TMEM232: variants seen among roughly 807,000 people sequenced by gnomAD.
TMEM232 encodes transmembrane protein 232.
Under a neutral mutation model 78.8 loss-of-function variants are expected in TMEM232, and 80 were observed. The ratio of observed to expected loss-of-function variants is 1.01; its 90% CI spans 0.85 to 1.22. The LOEUF is 1.22. Ranked by LOEUF, TMEM232 falls within the 50% of genes most tolerant of loss-of-function variation. TMEM232 has a pLI of 0.00. For synonymous variants in TMEM232, 297 were observed against 254.3 expected (o/e 1.17, Z -1.60); for missense variants, 881 against 742.2 (o/e 1.19, Z -2.17).
Position 110,692,002 on chromosome 5 carries a change from GC to G in TMEM232, c.-12-24639del, listed in dbSNP as rs201703392. Among the ~76,000 whole-genome samples the G allele has an allele frequency of 5.6e-3, 849 of 152,108 alleles. 9 individuals carry two copies. The highest frequency in any genetic ancestry group is 0.019 in the African/African-American group (802 of 41,520). ...GTGGCGTGATCTCGGCTCACTGCAA[GC>G]CCCACCTCCTGGGTTCAAGCCATTC... On this transcript the variant is annotated intron_variant, in intron 1 of 13. Transcript: ENST00000455884.
chr5:110,587,691 ATGTGTGTGTG>A lies in TMEM232; in HGVS notation c.1276+17408_1276+17417del, dbSNP rs147127408. On this transcript the variant is annotated intron_variant, in intron 10 of 13. Transcript: ENST00000455884. Reference sequence around the variant, plus strand: ...TATATATATATATATATATATATATATGTGTGTGTGTGTGTGTGTGTGTGTGTGTGTGTGT... The same window carrying A: ...TATATATATATATATATATATATATATGTGTGTGTGTGTGTGTGTGTGTGT... 5.3e-3 allele frequency among the ~76,000 whole-genome samples: 331 copies of A among 63,020 alleles called. 1 individual carries two copies. The highest frequency in any genetic ancestry group is 0.017 in the African/African-American group (239 of 13,730). The allele number at this position is 63,020 out of a possible 152,430, so 41.3% of individuals were successfully genotyped here.
chr5:110,514,949 T>C (rs1321891708), intron 12 of TMEM232, among the ~76,000 whole-genome samples: 4 of 152,132 alleles, frequency 2.6e-5, no homozygotes, highest in African/African-American at 9.7e-5. Flanking sequence ...ACGGCAGAAA[T>C]TGAAAAAGAA....
chr5:110,513,220 T>A (rs924168233), intron 12 of TMEM232, among the ~76,000 whole-genome samples: 3 of 152,190 alleles, frequency 2.0e-5, no homozygotes, highest in Non-Finnish European at 4.4e-5. Context: ...AGTTCTGGCA[T>A]TAAGAGTTGG....
chr5:110,435,572 C>T (rs1460716558), intron 12 of TMEM232, among the ~76,000 whole-genome samples: 6 of 151,814 alleles, frequency 4.0e-5, no homozygotes, highest in African/African-American at 1.4e-4. Flanking sequence ...AATTTTTGTA[C>T]CCATTAATCA....
At chr5:110,428,996 C>A (rs1757541178) in intron 12 of TMEM232, among the ~76,000 whole-genome samples, 2 of 151,758 alleles carry the variant, frequency 1.3e-5, no homozygotes, top group Admixed American at 1.3e-4. Flanking sequence ...ACTGAGATTA[C>A]ATTGAAGTGA....
intron 10 of TMEM232, among the ~76,000 whole-genome samples, chr5:110,593,383 T>G (rs1779762285): frequency 6.6e-6 from 1 of 152,240 alleles, no homozygotes; most frequent in South Asian, 2.1e-4. Flanking sequence ...TTTGAAAACT[T>G]CAAAATAAAA....
chr5:110,605,385 C>A, intron 9 of TMEM232, 27 bp from the exon 10 acceptor site: 1 of 1,532,622 alleles, frequency 6.5e-7, no homozygotes, highest in Non-Finnish European at 8.8e-7. Flanking sequence ...GATATTTGAT[C>A]ATCAAAGTAT....
intron 12 of TMEM232, among the ~76,000 whole-genome samples, chr5:110,475,817 C>T (rs1340169356): frequency 6.6e-6 from 1 of 151,712 alleles, no homozygotes; most frequent in African/African-American, 2.4e-5. Context: ...GGGGAAAGAA[C>T]CACTAAAAAA....
intron 11 of TMEM232, among the ~76,000 whole-genome samples, chr5:110,533,009 T>C (rs746422038): frequency 1.3e-5 from 2 of 152,158 alleles, no homozygotes; most frequent in Non-Finnish European, 2.9e-5. Flanking sequence ...GTTTTGCCTA[T>C]CCACCCTGTG....
chr5:110,673,990 G>GA (rs35347916), intron 1 of TMEM232, among the ~76,000 whole-genome samples: 100,203 of 127,578 alleles, frequency 0.79, 39,081 homozygotes, highest in East Asian at 0.93. Context: ...GAGGTAACAT[G>GA]AAAAAAAAAA....
intron 8 of TMEM232, among the ~76,000 whole-genome samples, chr5:110,607,472 TG>T (rs1057369268): frequency 5.3e-5 from 8 of 152,074 alleles, no homozygotes; most frequent in African/African-American, 1.9e-4. Flanking sequence ...ACATGAATTT[TG>T]TTCAAAATGG....
intron 5 of TMEM232, chr5:110,629,042 T>C (rs1784788947): frequency 6.6e-6 from 1 of 151,990 alleles, no homozygotes; most frequent in South Asian, 2.1e-4. Context: ...AACATGTTTA[T>C]AAGGCAACAA....
chr5:110,614,014 A>G lies in TMEM232; in HGVS notation c.902+4415T>C, dbSNP rs141711350. ...TTGCTAGAGCCAACTAATCTTTTTTAAAAAAAAGATTAAATCTTTTCCTTA... is the reference window on the plus strand; with the variant it reads ...TTGCTAGAGCCAACTAATCTTTTTTGAAAAAAAGATTAAATCTTTTCCTTA... On this transcript the variant is annotated intron_variant, in intron 8 of 13. Coordinates refer to ENST00000455884, the MANE Select transcript of TMEM232 (RefSeq NM_001039763.4). Among the ~76,000 whole-genome samples, 12 of 152,020 alleles carry G rather than the reference A, an allele frequency of 7.9e-5. No homozygotes were observed. In the East Asian group the frequency reaches 1.5e-3, roughly 20 times the overall value.
At chr5:110,447,238 T>C (rs1759758726) in intron 12 of TMEM232, among the ~76,000 whole-genome samples, 1 of 152,040 alleles carries the variant, frequency 6.6e-6, no homozygotes, top group African/African-American at 2.4e-5. Flanking sequence ...GTAGACATTA[T>C]ATTGCCTCTT....
rs144076784 is a variant in TMEM232 at position 110,457,784 on chromosome 5, G to C, written c.1704-32868C>G. On this transcript the variant is annotated intron_variant, in intron 12 of 13. Transcript: ENST00000455884. ...AATGTAGGTGCTATAAGATAAAATG[G>C]AATGCAAATAAGATTTTCTGATGGA... Among the ~76,000 whole-genome samples, 721 of 152,148 alleles carry C rather than the reference G, an allele frequency of 4.7e-3. 7 individuals carry two copies. Among genetic ancestry groups the C allele is most frequent in the Non-Finnish European group, 5.5e-3 (372 of 67,960 alleles).
chr5:110,671,387 C>T (rs1290964983), intron 1 of TMEM232, among the ~76,000 whole-genome samples: 1 of 152,170 alleles, frequency 6.6e-6, no homozygotes, highest in Non-Finnish European at 1.5e-5. Context: ...ACCCAGCAAT[C>T]CCATTACTGG....
At chr5:110,709,751 T>C (rs1378069519) in intron 1 of TMEM232, among the ~76,000 whole-genome samples, 2 of 151,996 alleles carry the variant, frequency 1.3e-5, no homozygotes, top group Non-Finnish European at 2.9e-5. Context: ...AAGAGGAGAA[T>C]TTATTGCTAT....
intron 12 of TMEM232, among the ~76,000 whole-genome samples, chr5:110,523,524 C>T (rs1769868499): frequency 6.6e-6 from 1 of 151,824 alleles, no homozygotes; most frequent in Admixed American, 6.6e-5. Context: ...AAATAAATAT[C>T]CCTCTTAGTA....
chr5:110,541,586 C>T (rs1309533017), intron 11 of TMEM232, among the ~76,000 whole-genome samples: 2 of 152,056 alleles, frequency 1.3e-5, no homozygotes, highest in Non-Finnish European at 2.9e-5. Flanking sequence ...TATTTACATT[C>T]AGCATGGAGG....
Sources: gnomAD v4.1 joint callset for allele counts (sites outside exome capture counted in the v4.1 genomes callset) on GRCh38, gnomAD v4.1.1 for gene constraint, MANE v1.5 for transcripts, NCBI Gene and HGNC (gene_info 2026-07-23, HGNC 2026-07-21) for gene names.